The following NDC80 variants were observed in gnomAD, a reference collection of about 807,000 sequenced individuals.
The protein encoded by NDC80 is NDC80 kinetochore complex component, also known as kinetochore protein NDC80 homolog.
A neutral mutation model predicts 89.3 loss-of-function variants in NDC80; 69 were observed. That is an observed-to-expected ratio of 0.77 (90% CI 0.64 to 0.94). The LOEUF is 0.94. Ranked by LOEUF, NDC80 falls within the 40% of genes least tolerant of loss-of-function variation. The pLI is 0.00. For missense variants in NDC80, 593 were observed against 739.6 expected (o/e 0.80, Z 2.30); for synonymous variants, 243 against 255.6 (o/e 0.95, Z 0.47).
chr18:2,574,561 T>A (rs909021037), intron 2 of NDC80, among the ~76,000 whole-genome samples: 2 of 152,214 alleles, frequency 1.3e-5, no homozygotes, highest in Non-Finnish European at 2.9e-5. Context: ...TATTTAGGCC[T>A]GAAAGTATGT....
rs2143632250 is a variant in NDC80, at chr18:2,577,783, A to G, written c.217A>G (p.Ile73Val). ...GHGSRNSQLG[I>V]FSSSEKIKDP... ...TGGATCCCGGAATAGTCAACTTGGTATATTTTCCAGTTCTGAGAAAATCAA... is the reference window on the plus strand; with the variant it reads ...TGGATCCCGGAATAGTCAACTTGGTGTATTTTCCAGTTCTGAGAAAATCAA... Residue 73 changes from isoleucine (I) to valine (V), a missense_variant, in exon 4 of 17, where the codon ATA becomes GTA. Ile to Val is a conservative substitution (Grantham distance 29, BLOSUM62 3). Coordinates refer to ENST00000261597, the MANE Select transcript of NDC80 (RefSeq NM_006101.3). 1 of 1,614,098 alleles carries G rather than the reference A, an allele frequency of 6.2e-7. No homozygotes were observed. The highest frequency in any genetic ancestry group is 8.5e-7 in the Non-Finnish European group (1 of 1,179,972).
intron 1 of NDC80, 112 bp from the exon 2 acceptor site, chr18:2,572,865 A>C (rs1303353651): frequency 1.3e-6 from 1 of 750,550 alleles, no homozygotes. Flanking sequence ...AAAGATGATG[A>C]TCTTGAAGAA....
chr18:2,606,617 A>G (rs903451514), intron 14 of NDC80, 110 bp downstream of exon 14: 1 of 544,758 alleles, frequency 1.8e-6, no homozygotes, highest in Non-Finnish European at 3.0e-6. Flanking sequence ...TATATATCCT[A>G]TAATTTGTAT....
At chr18:2,587,671 T>C (rs1216069545) in intron 7 of NDC80, among the ~76,000 whole-genome samples, 159 bp from the exon 8 acceptor site, 1 of 152,196 alleles carries the variant, frequency 6.6e-6, no homozygotes, top group Admixed American at 6.5e-5. Context: ...TATAGCATAA[T>C]TATATAGCCT....
Position 2,589,226 on chromosome 18 carries a change from T to C in NDC80, c.786T>C (p.Ala262=), listed in dbSNP as rs763941645. ...CAGAGGATTTATTTAATGTGGATGCTTTTAAGCTGGAATCATTAGAAGCAA... is the reference window on the plus strand; with the variant it reads ...CAGAGGATTTATTTAATGTGGATGCCTTTAAGCTGGAATCATTAGAAGCAA... ...SKLKDLFNVD[A]FKLESLEAKN... is the part of the protein sequence containing the mutation. The change falls in exon 9 of 17, where the codon GCT becomes GCC. Residue 262 remains alanine (A), a synonymous_variant. Transcript: ENST00000261597. 2 of 1,613,056 alleles carry C rather than the reference T, an allele frequency of 1.2e-6. No individual in the cohort carries two copies. The highest frequency in any genetic ancestry group is 1.7e-5 in the Admixed American group (1 of 59,988).
intron 7 of NDC80, among the ~76,000 whole-genome samples, chr18:2,585,594 G>C (rs902957521): frequency 6.6e-6 from 1 of 152,062 alleles, no homozygotes; most frequent in East Asian, 1.9e-4. Context: ...AAAATCTGAA[G>C]TCAAACCATC....
intron 10 of NDC80, among the ~76,000 whole-genome samples, chr18:2,593,521 A>C (rs1047913691): frequency 1.3e-5 from 2 of 152,176 alleles, no homozygotes; most frequent in Non-Finnish European, 2.9e-5. Context: ...TTAAGGTTTC[A>C]TTAGGGGTTT....
rs2072609714 is a variant in NDC80, at chr18:2,587,840, A to G, written c.680A>G (p.Asp227Gly). 1 of 1,613,066 alleles carries G rather than the reference A, an allele frequency of 6.2e-7. No individual in the cohort carries two copies. Among genetic ancestry groups the G allele is most frequent in the Non-Finnish European group, 8.5e-7 (1 of 1,179,258 alleles). ...DGIMHNKLFL[D>G]YTIKCYESFM... ...TGCTTAACCCCATAGTTGTTTTTGG[A>G]CTACACCATAAAATGCTATGAGAGT... Residue 227 changes from aspartate to glycine, a missense_variant, in exon 8 of 17, where the codon GAC becomes GGC. Transcript: ENST00000261597.
At chr18:2,580,027 C>T (rs993111146) in intron 6 of NDC80, among the ~76,000 whole-genome samples, 2 of 149,132 alleles carry the variant, frequency 1.3e-5, no homozygotes, top group African/African-American at 4.9e-5. Context: ...TTTTAACTTG[C>T]TTGTACATGG....
chr18:2,572,739 T>C (rs1598362523), intron 1 of NDC80, among the ~76,000 whole-genome samples: 2 of 152,174 alleles, frequency 1.3e-5, no homozygotes, highest in Admixed American at 1.3e-4. Context: ...CTCCCCTATA[T>C]ATATAGTGGG....
chr18:2,605,704 G>A (rs1315266342), intron 13 of NDC80, among the ~76,000 whole-genome samples: 1 of 151,416 alleles, frequency 6.6e-6, no homozygotes, highest in African/African-American at 2.4e-5. Flanking sequence ...AATTTCATAT[G>A]TGTGTAGAAT....
Position 2,608,705 on chromosome 18 carries a change from A to G in NDC80, c.1563A>G (p.Ala521=), listed in dbSNP as rs752558258. 5.6e-6 allele frequency: 9 copies of G among 1,611,402 alleles called. No homozygotes were observed. The Admixed American group carries it at 1.5e-4, about 27-fold the overall frequency. ...DDLYQQKIKE[A]EEEDEKCASE... ...CCGTGACTTTATCCTGATAGGAAGC[A>G]GAGGAAGAGGATGAAAAATGTGCCA... Residue 521 remains alanine (A), a synonymous_variant, in exon 15 of 17, where the codon GCA becomes GCG. Transcript: ENST00000261597.
At chr18:2,579,783 T>C (rs976578168) in intron 6 of NDC80, among the ~76,000 whole-genome samples, 3 of 152,212 alleles carry the variant, frequency 2.0e-5, no homozygotes, top group Non-Finnish European at 4.4e-5. Context: ...ATGTATGTTT[T>C]TTAAACTTTT....
At chr18:2,580,730 G>GTTTTTT (rs1567997102) in intron 6 of NDC80, among the ~76,000 whole-genome samples, 1 of 48,118 alleles carries the variant, frequency 2.1e-5, no homozygotes, top group African/African-American at 4.9e-5. Context: ...CTCACCATCA[G>GTTTTTT]ATTTTTTTTT....
intron 10 of NDC80, chr18:2,594,366 C>A: frequency 6.5e-6 from 1 of 154,370 alleles, no homozygotes. Flanking sequence ...GCTACAAGTT[C>A]ACTTGTACTT....
chr18:2,575,382 C>T (rs1028871252), intron 3 of NDC80, among the ~76,000 whole-genome samples: 3 of 152,282 alleles, frequency 2.0e-5, no homozygotes, highest in East Asian at 3.9e-4. Context: ...GTAATCCCAG[C>T]GCTTTGGGAG....
chr18:2,596,872 T>C (rs1568005679), intron 11 of NDC80, among the ~76,000 whole-genome samples: 3 of 151,582 alleles, frequency 2.0e-5, no homozygotes, highest in Non-Finnish European at 4.4e-5. Flanking sequence ...TCATGTCCTT[T>C]GTAGGGACAT....
rs2143633731 is a variant in NDC80 at position 2,578,966 on chromosome 18, G to C, written c.516G>C (p.Val172=). 6.4e-7 allele frequency: 1 copy of C among 1,571,838 alleles called. No homozygotes were observed. The highest frequency in any genetic ancestry group is 2.4e-5 in the East Asian group (1 of 42,438). The part of the protein sequence containing the change: ...FALSKSSMYT[V]GAPHTWPHIV... ...TATCCAAAAGCTCCATGTACACAGT[G>C]GGGGCTCCTCATACATGGCCTCACA... Residue 172 remains valine, a synonymous_variant, in exon 6 of 17, where the codon GTG becomes GTC. Transcript: ENST00000261597.
intron 11 of NDC80, among the ~76,000 whole-genome samples, chr18:2,596,230 C>T (rs1167807279): frequency 6.6e-6 from 1 of 152,138 alleles, no homozygotes; most frequent in African/African-American, 2.4e-5. Flanking sequence ...GAAGGGTTAG[C>T]ATGGCACAGC....
Sources: gnomAD v4.1 joint callset for allele counts (sites outside exome capture counted in the v4.1 genomes callset) on GRCh38, gnomAD v4.1.1 for gene constraint, MANE v1.5 for transcripts, NCBI Gene and HGNC (gene_info 2026-07-23, HGNC 2026-07-21) for gene names.